Variants in FAM153A observed in about 807,000 individuals in gnomAD.
The protein encoded by FAM153A is protein FAM153A.
A neutral mutation model predicts 48.1 loss-of-function variants in FAM153A; 12 were observed. The ratio of observed to expected loss-of-function variants is 0.25; its 90% CI spans 0.16 to 0.40. The LOEUF (loss-of-function observed/expected upper bound fraction) is 0.40, where lower values mean the gene tolerates loss of function less well. Ranked by LOEUF, FAM153A falls within the 10% of genes least tolerant of loss-of-function variation. The probability of loss-of-function intolerance (pLI) is 1.00; values close to 1 mark genes in which losing one functional copy is unlikely to be tolerated. For synonymous variants in FAM153A, 36 were observed against 118.2 expected, an observed-to-expected ratio of 0.30 and a Z score of 4.51; for missense variants, 111 against 345.8, an observed-to-expected ratio of 0.32 and a Z score of 5.38.
the FAM153A span, among the ~76,000 whole-genome samples, chr5:177,702,448 G>A: frequency 1.3e-5 from 2 of 151,918 alleles, no homozygotes; most frequent in African/African-American, 4.9e-5. Context: ...GAAGCAGAGT[G>A]TAAAAGTTTG....
chr5:177,703,344 T>C (rs1696908), downstream of FAM153A, among the ~76,000 whole-genome samples: 61,371 of 128,878 alleles, frequency 0.48, 12,799 homozygotes, highest in East Asian at 0.62. Flanking sequence ...TTGTTTTGGT[T>C]GATTTCTCCC....
chr5:177,754,012 C>A (rs1189518518), upstream of FAM153A, among the ~76,000 whole-genome samples: 2 of 151,848 alleles, frequency 1.3e-5, no homozygotes, highest in Admixed American at 6.5e-5. Context: ...TGCAGTGCAC[C>A]AAGTGTGAGC....
chr5:177,719,132 C>A (rs1393991310), downstream of FAM153A, among the ~76,000 whole-genome samples: 1 of 151,336 alleles, frequency 6.6e-6, no homozygotes, highest in African/African-American at 2.4e-5. Context: ...ATTCCACCCA[C>A]CTTGGCCTAC....
At position 177,715,403 on chromosome 5, in the gene FAM153A, CCAAAT is replaced by C. The variant is rs1229286515; in HGVS notation, c.*1222+937_*1222+941del. 2.0e-5 allele frequency among the ~76,000 whole-genome samples: 3 copies of C among 151,174 alleles called. 1 individual carries two copies. The highest frequency in any genetic ancestry group is 2.0e-4 in the Admixed American group (3 of 15,172). ...TAAGATAAGAAAGCTACTGATCTCA[CCAAAT>C]CAAGGACACAATACTGTTCCCTCAG... On this transcript the variant is annotated intron_variant and NMD_transcript_variant, in intron 25 of 26. Coordinates refer to the FAM153A transcript ENST00000360669.
rs1469539528 is a variant in FAM153A at position 177,743,547 on chromosome 5, G to A, written c.364+847C>T. ...TCAATATGAGGCCTCAATGGAGAAA[G>A]TTGGGGTGATTTCACCCCAACCCCA... On this transcript the variant is annotated intron_variant, in intron 6 of 20. Transcript: ENST00000614127. Among the ~76,000 whole-genome samples the A allele has an allele frequency of 2.4e-5, 3 of 125,192 alleles. No homozygotes were observed. In the Admixed American group the frequency reaches 2.6e-4, roughly 11 times the overall value. The allele number at this position is 125,192 out of a possible 152,430, so 82.1% of individuals were successfully genotyped here.
In FAM153A at chr5:177,724,050, G is replaced by A; in HGVS notation, c.*63C>T. On this transcript the variant is annotated 3_prime_UTR_variant, in exon 21 of 21. Transcript: ENST00000614127. ...GCCCAGCAGGCTCAGGGGCTGCTATGGAGTGGGTGTCTGTTTCCTGGAGCA... is the reference window on the plus strand; with the variant it reads ...GCCCAGCAGGCTCAGGGGCTGCTATAGAGTGGGTGTCTGTTTCCTGGAGCA... 3 of 1,604,594 alleles carry A rather than the reference G, an allele frequency of 1.9e-6. No homozygotes were observed. The South Asian group carries it at 3.3e-5, about 18-fold the overall frequency.
chr5:177,716,961 C>A (rs1456678413), intron 24 of FAM153A, among the ~76,000 whole-genome samples: 1 of 64,936 alleles, frequency 1.5e-5, no homozygotes, highest in Non-Finnish European at 3.1e-5. Context: ...ACCATTCCCG[C>A]TTAGTGTGTG....
At chr5:177,700,186 AACC>A in the FAM153A span, among the ~76,000 whole-genome samples, 1 of 151,994 alleles carries the variant, frequency 6.6e-6, no homozygotes, top group Non-Finnish European at 1.5e-5. Context: ...AATAGGAGGG[AACC>A]TTCCCAACCC....
rs1246078393 is a variant in FAM153A, at chr5:177,770,881, G to A, written c.-57+9568C>T. On this transcript the variant is annotated intron_variant, in intron 1 of 8. Coordinates refer to the FAM153A transcript ENST00000393518. ...AGGAGAAATCTCTGTACCTTCCTCC[G>A]ATTTTGCTGTGAACCTAAAACTGCT... is the stretch of plus-strand genomic sequence containing the variant. Among the ~76,000 whole-genome samples, 3 of 99,032 alleles carry A rather than the reference G, an allele frequency of 3.0e-5. 1 individual carries two copies. The highest frequency in any genetic ancestry group is 1.2e-4 in the African/African-American group (3 of 25,112). The allele number at this position is 99,032 out of a possible 152,430, so 65.0% of individuals were successfully genotyped here.
At chr5:177,735,310 T>A (rs1764538819) in intron 12 of FAM153A, among the ~76,000 whole-genome samples, 1 of 138,202 alleles carries the variant, frequency 7.2e-6, no homozygotes, top group Non-Finnish European at 1.5e-5. Flanking sequence ...AGAAGCAACC[T>A]TTCTTAAAAT....
the FAM153A span, among the ~76,000 whole-genome samples, chr5:177,696,640 T>A: frequency 6.6e-6 from 1 of 150,796 alleles, no homozygotes; most frequent in Non-Finnish European, 1.5e-5. Context: ...GATCTATATG[T>A]CAATCCCTAT....
At chr5:177,759,267 C>G (rs548032437) in intron 1 of FAM153A, among the ~76,000 whole-genome samples, 2 of 151,868 alleles carry the variant, frequency 1.3e-5, no homozygotes, top group African/African-American at 2.4e-5. Flanking sequence ...ACCACAATGA[C>G]ATACCATCTC....
At chr5:177,741,311 C>G (rs1765399955) in exon 7 of FAM153A, 1 of 681,534 alleles carries the variant, frequency 1.5e-6, no homozygotes, top group Non-Finnish European at 2.1e-6. Context: ...CAATGGCTTG[C>G]CCAAGGAGCC....
In FAM153A at chr5:177,769,197, C is replaced by A. The variant is rs1262829667; in HGVS notation, c.-57+11252G>T. Among the ~76,000 whole-genome samples the A allele has an allele frequency of 9.0e-5, 6 of 66,784 alleles. 1 individual carries two copies. The highest frequency in any genetic ancestry group is 1.4e-4 in the Non-Finnish European group (5 of 35,644). The allele number at this position is 66,784 out of a possible 152,430, so 43.8% of individuals were successfully genotyped here. A position where few individuals can be genotyped will look rare whatever the true frequency, so the allele number is the denominator to read the frequency against. ...GCAGCGAGCCGAGATCACAGCATTG[C>A]ACTCCAGCCTGGGCGACAGCGAGAC... is the stretch of plus-strand genomic sequence containing the variant. On this transcript the variant is annotated intron_variant, in intron 1 of 8. Coordinates refer to the FAM153A transcript ENST00000393518.
chr5:177,755,178 T>C (rs372680912), upstream of FAM153A, among the ~76,000 whole-genome samples: 7 of 151,842 alleles, frequency 4.6e-5, no homozygotes, highest in African/African-American at 1.5e-4. Flanking sequence ...ATGAGAACTA[T>C]GTGACAAATG....
chr5:177,698,750 C>T, the FAM153A span, among the ~76,000 whole-genome samples: 1 of 147,904 alleles, frequency 6.8e-6, no homozygotes, highest in Non-Finnish European at 1.5e-5. Context: ...CCTTGACTTC[C>T]TGGGCTCGAG....
upstream of FAM153A, among the ~76,000 whole-genome samples, chr5:177,756,506 T>C (rs1767748323): frequency 7.3e-6 from 1 of 136,872 alleles, no homozygotes; most frequent in Non-Finnish European, 1.6e-5. Flanking sequence ...TCTACAGAAC[T>C]CTCCACCCCA....
chr5:177,722,011 C>T (rs1761137998), downstream of FAM153A: 1 of 151,348 alleles, frequency 6.6e-6, no homozygotes, highest in East Asian at 1.9e-4. Context: ...GTAAACAAAA[C>T]TTCAGAAAGA....
rs568970853 is a variant in FAM153A, at chr5:177,729,467, G to A, written c.933+18C>T. On this transcript the variant is annotated intron_variant, in intron 17 of 20. Transcript: ENST00000614127. The stretch of plus-strand genomic sequence containing the variant: ...GAGAAATAAAATTTCCTTTTCAGAG[G>A]AAAGAAGACGACTTTACCATGTGAA... 112 of 1,602,930 alleles carry A rather than the reference G, an allele frequency of 7.0e-5. 1 individual carries two copies. In the Admixed American group the frequency reaches 1.9e-3, roughly 27 times the overall value.
Sources: allele counts gnomAD v4.1 joint callset (sites outside exome capture counted in the v4.1 genomes callset), GRCh38; gene constraint gnomAD v4.1.1; transcripts MANE v1.5; gene names NCBI Gene and HGNC (gene_info 2026-07-23, HGNC 2026-07-21).